ACOT12: variants seen among roughly 807,000 people sequenced by gnomAD.
ACOT12 encodes acetyl-coenzyme A thioesterase.
In ACOT12, 51 loss-of-function variants were observed where a neutral mutation model predicts 67.7. The ratio of observed to expected loss-of-function variants is 0.75; its 90% CI spans 0.60 to 0.95. ACOT12 has a LOEUF of 0.95. Among genes scored for constraint, ACOT12 ranks in the 40% least tolerant of loss-of-function variants. The probability of loss-of-function intolerance (pLI) is 0.00; values close to 1 mark genes in which losing one functional copy is unlikely to be tolerated. For synonymous variants in ACOT12, 251 were observed against 244.6 expected (o/e 1.03, Z -0.24); for missense variants, 734 against 708.1 (o/e 1.04, Z -0.41).
At chr5:81,368,936 T>C (rs1760162478) in intron 3 of ACOT12, among the ~76,000 whole-genome samples, 1 of 151,278 alleles carries the variant, frequency 6.6e-6, no homozygotes, top group South Asian at 2.1e-4. Flanking sequence ...TGACCTGAAG[T>C]AAATGAGTGG....
intron 9 of ACOT12, 124 bp downstream of exon 9, chr5:81,344,036 G>T: frequency 7.9e-7 from 1 of 1,269,354 alleles, no homozygotes; most frequent in Non-Finnish European, 1.1e-6. Context: ...CAGCCTTTGC[G>T]GCCAGGAAAC....
chr5:81,311,511 G>A, the ACOT12 span, among the ~76,000 whole-genome samples: 1 of 152,090 alleles, frequency 6.6e-6, no homozygotes, highest in Admixed American at 6.6e-5. Context: ...GACTTTATAA[G>A]ACACCTGATT....
chr5:81,391,874 T>C (rs1055015863), intron 1 of ACOT12, among the ~76,000 whole-genome samples: 1 of 152,164 alleles, frequency 6.6e-6, no homozygotes, highest in Non-Finnish European at 1.5e-5. Flanking sequence ...GAGAGAAATA[T>C]CAAGGATGAC....
At chr5:81,311,121 G>T in the ACOT12 span, 1 of 1,307,456 alleles carries the variant, frequency 7.6e-7, no homozygotes, top group Non-Finnish European at 1.1e-6. Context: ...ACAGGGTTGT[G>T]AGGATCCAGT....
chr5:81,344,765 G>T, intron 8 of ACOT12, 126 bp downstream of exon 8: 2 of 1,210,444 alleles, frequency 1.7e-6, no homozygotes, highest in Non-Finnish European at 1.2e-6. Context: ...ACTTCACTTT[G>T]TGATGCTGAA....
chr5:81,361,077 C>CAAAA (rs71000820), intron 4 of ACOT12, among the ~76,000 whole-genome samples: 9 of 52,546 alleles, frequency 1.7e-4, no homozygotes, highest in Admixed American at 2.4e-4. Flanking sequence ...GACTCCATCT[C>CAAAA]AAAAAAAAAA....
At chr5:81,374,478 ATGGAGAATGAGTTTGATGAAT>A (rs1438485282) in intron 2 of ACOT12, among the ~76,000 whole-genome samples, 1 of 152,192 alleles carries the variant, frequency 6.6e-6, no homozygotes, top group Non-Finnish European at 1.5e-5. Flanking sequence ...AAAAAACTGG[ATGGAGAATGAGTTTGATGAAT>A]TGACAGAAGA....
chr5:81,311,096 C>A, the ACOT12 span: 2 of 1,017,836 alleles, frequency 2.0e-6, no homozygotes, highest in Non-Finnish European at 3.1e-6. Context: ...CCTGGTCTAG[C>A]TACCTTTACA....
intron 1 of ACOT12, among the ~76,000 whole-genome samples, chr5:81,388,804 T>C (rs1760794678): frequency 6.6e-6 from 1 of 152,136 alleles, no homozygotes; most frequent in South Asian, 2.1e-4. Context: ...GGGAGATAAT[T>C]GAATCATGGG....
At chr5:81,333,850 C>A (rs1050579557) in intron 12 of ACOT12, among the ~76,000 whole-genome samples, 4 of 152,148 alleles carry the variant, frequency 2.6e-5, no homozygotes, top group Admixed American at 2.6e-4. Context: ...TGCCCACAGA[C>A]CTAAATGAGG....
Position 81,371,751 on chromosome 5 carries a change from T to C in ACOT12, c.257A>G (p.Glu86Gly). ...KVTRAFSTSM[E>G]ISIKVMVQDM... ...GATGTTTGAAAAGGTGCCTCTTACC[T>C]CCATGCTTGTGCTGAATGCTCTAGT... is the stretch of plus-strand genomic sequence containing the variant. The change falls in exon 3 of 15, where the codon GAG (glutamate) becomes GGG (glycine). Residue 86 changes from glutamate to glycine, a missense_variant and splice_region_variant. By Grantham distance (98) the Glu-to-Gly change is moderately conservative. Transcript: ENST00000307624. The C allele has an allele frequency of 6.2e-7, 1 of 1,614,086 alleles. No homozygotes were observed. Among genetic ancestry groups the C allele is most frequent in the African/African-American group, 1.3e-5 (1 of 75,050 alleles).
the ACOT12 span, chr5:81,312,746 T>C: frequency 1.0e-6 from 1 of 990,440 alleles, no homozygotes; most frequent in South Asian, 1.4e-5. Context: ...TGAGCTCCCC[T>C]GTAGCCAGGA....
chr5:81,332,463 C>A lies in ACOT12; in HGVS notation c.1391+14G>T, dbSNP rs1156580752. The A allele has an allele frequency of 8.1e-6, 13 of 1,612,834 alleles. No individual in the cohort carries two copies. Among genetic ancestry groups the A allele is most frequent in the African/African-American group, 1.3e-5 (1 of 74,900 alleles). ...ATGAAATATTAATAGAACACTTGGA[C>A]TGCATATACTCACCCATCTTTGAGG... On this transcript the variant is annotated intron_variant, in intron 13 of 14. Coordinates refer to ENST00000307624, the MANE Select transcript of ACOT12 (RefSeq NM_130767.3).
the ACOT12 span, among the ~76,000 whole-genome samples, chr5:81,318,275 T>C: frequency 4.6e-5 from 7 of 152,220 alleles, no homozygotes; most frequent in Non-Finnish European, 7.3e-5. Flanking sequence ...TTCCCAGCAC[T>C]GTTTGTTGAA....
At chr5:81,375,215 C>T (rs1391555244) in intron 2 of ACOT12, among the ~76,000 whole-genome samples, 1 of 152,198 alleles carries the variant, frequency 6.6e-6, no homozygotes, top group Non-Finnish European at 1.5e-5. Flanking sequence ...GAATTTTCAA[C>T]CCGGAATTTC....
At chr5:81,318,563 G>A in the ACOT12 span, among the ~76,000 whole-genome samples, 22 of 152,024 alleles carry the variant, frequency 1.4e-4, no homozygotes, top group African/African-American at 4.3e-4. Context: ...ATGAGCATTA[G>A]TTCATCAATT....
intron 2 of ACOT12, among the ~76,000 whole-genome samples, chr5:81,376,770 C>G (rs1020635333): frequency 1.3e-5 from 2 of 151,938 alleles, no homozygotes; most frequent in African/African-American, 2.4e-5. Context: ...ACACATAAAC[C>G]CTCCCAAGAC....
intron 12 of ACOT12, among the ~76,000 whole-genome samples, chr5:81,334,610 T>C (rs1037313256): frequency 1.3e-5 from 2 of 152,212 alleles, no homozygotes; most frequent in Non-Finnish European, 2.9e-5. Context: ...ATATGTTACA[T>C]GGTATTTCTA....
chr5:81,353,883 G>A (rs930837404), intron 5 of ACOT12, among the ~76,000 whole-genome samples: 2 of 152,114 alleles, frequency 1.3e-5, no homozygotes, highest in Non-Finnish European at 2.9e-5. Flanking sequence ...TAAAAACATG[G>A]TACAAGAACA....
Sources: gnomAD v4.1 joint callset for allele counts (sites outside exome capture counted in the v4.1 genomes callset) on GRCh38, gnomAD v4.1.1 for gene constraint, MANE v1.5 for transcripts, NCBI Gene and HGNC (gene_info 2026-07-23, HGNC 2026-07-21) for gene names.